KLF12: variants seen among roughly 807,000 people sequenced by gnomAD.
KLF12 encodes the protein KLF transcription factor 12, also known as Krueppel-like factor 12.
Under a neutral mutation model 37.8 loss-of-function variants are expected in KLF12, and 9 were observed. The observed-to-expected ratio is 0.24, with a 90% CI of 0.14 to 0.42. The LOEUF is 0.42. Among genes scored for constraint, KLF12 ranks in the 10% least tolerant of loss-of-function variants. The pLI is 1.00. For synonymous variants in KLF12, 208 were observed against 202.1 expected (o/e 1.03, Z -0.25); for missense variants, 411 against 516.0 (o/e 0.80, Z 1.97).
intron 3 of KLF12, among the ~76,000 whole-genome samples, chr13:73,853,073 T>A (rs573854371): frequency 6.6e-6 from 1 of 152,084 alleles, no homozygotes; most frequent in South Asian, 2.1e-4. Context: ...TTCACCGTGT[T>A]AGCCAGGATG....
intron 2 of KLF12, among the ~76,000 whole-genome samples, chr13:73,982,159 T>G (rs1296123527): frequency 6.6e-6 from 1 of 152,254 alleles, no homozygotes; most frequent in Non-Finnish European, 1.5e-5. Context: ...AAACATTAAC[T>G]TCATTGACTA....
intron 6 of KLF12, among the ~76,000 whole-genome samples, chr13:73,732,293 T>G (rs1445193096): frequency 6.6e-6 from 1 of 151,972 alleles, no homozygotes; most frequent in African/African-American, 2.4e-5. Flanking sequence ...TTTCACCACG[T>G]TGGCCATGCT....
At chr13:73,953,970 CTTTTTTTTTTTTTTTTT>C (rs67945624) in intron 2 of KLF12, among the ~76,000 whole-genome samples, 1 of 88,534 alleles carries the variant, frequency 1.1e-5, no homozygotes, top group African/African-American at 4.4e-5. Flanking sequence ...TTTTTTCTTT[CTTTTTTTTTTTTTTTTT>C]TTTTTTTTTG....
the KLF12 span, among the ~76,000 whole-genome samples, chr13:74,157,683 ATT>A: frequency 1.3e-5 from 2 of 152,202 alleles, no homozygotes; most frequent in African/African-American, 4.8e-5. Context: ...CAGACCAGTC[ATT>A]AAGCTTCCTT....
intron 1 of KLF12, among the ~76,000 whole-genome samples, chr13:74,128,032 A>C (rs927004352): frequency 6.6e-6 from 1 of 152,256 alleles, no homozygotes; most frequent in African/African-American, 2.4e-5. Context: ...GCAGATTTTC[A>C]ATCTCTAATC....
chr13:74,257,616 C>T, the KLF12 span: 5 of 152,138 alleles, frequency 3.3e-5, no homozygotes, highest in Admixed American at 2.0e-4. Flanking sequence ...GGCACAAGGA[C>T]ATGATTTGTT....
intron 6 of KLF12, among the ~76,000 whole-genome samples, chr13:73,738,118 TATATATACACACAC>T (rs1467942361): frequency 1.1e-3 from 70 of 65,292 alleles, no homozygotes; most frequent in African/African-American, 6.7e-3. Flanking sequence ...TATATATATA[TATATATACACACAC>T]ACACATATAT....
rs545657584 is a variant in KLF12 at position 73,688,456 on chromosome 13, T to C, written c.*7034A>G. The C allele has an allele frequency of 1.7e-4, 26 of 152,242 alleles. No homozygotes were observed. The highest frequency in any genetic ancestry group is 6.3e-4 in the African/African-American group (26 of 41,532). 9.4% of individuals were successfully genotyped at this position (152,242 alleles called of 1,614,324 possible). A position where few individuals can be genotyped will look rare whatever the true frequency, so the allele number is the denominator to read the frequency against. The stretch of plus-strand genomic sequence containing the variant: ...GCTCTGATATTAATCACTAGTTCCA[T>C]GGGGGTGAAAATTTCAAATGCATCT... On this transcript the variant is annotated 3_prime_UTR_variant, in exon 8 of 8. Transcript: ENST00000377669.
intron 2 of KLF12, among the ~76,000 whole-genome samples, chr13:73,992,768 T>C (rs1206916529): frequency 1.3e-5 from 2 of 152,228 alleles, no homozygotes; most frequent in Non-Finnish European, 2.9e-5. Context: ...GTCAATGTAT[T>C]TGAAATGTAA....
the KLF12 span, among the ~76,000 whole-genome samples, chr13:74,248,047 A>G: frequency 1.3e-5 from 2 of 152,234 alleles, no homozygotes; most frequent in African/African-American, 4.8e-5. Context: ...TTTTCCTCTC[A>G]TGCCAAGCTC....
At chr13:73,958,374 G>C (rs1026122294) in intron 2 of KLF12, among the ~76,000 whole-genome samples, 1 of 151,906 alleles carries the variant, frequency 6.6e-6, no homozygotes, top group Non-Finnish European at 1.5e-5. Context: ...CTCCCGAGTA[G>C]CTGGGATACA....
intron 5 of KLF12, among the ~76,000 whole-genome samples, chr13:73,766,874 G>C (rs1879951264): frequency 6.6e-6 from 1 of 152,124 alleles, no homozygotes; most frequent in African/African-American, 2.4e-5. Context: ...CTAGGTATTT[G>C]TATCTTTTAG....
At chr13:73,905,618 T>C (rs1374509831) in intron 3 of KLF12, among the ~76,000 whole-genome samples, 1 of 151,996 alleles carries the variant, frequency 6.6e-6, no homozygotes, top group Non-Finnish European at 1.5e-5. Flanking sequence ...TCTGGATTTG[T>C]ACTGTATTGT....
chr13:73,943,937 C>A (rs781114490), intron 3 of KLF12, 44 bp downstream of exon 3: 5 of 1,185,288 alleles, frequency 4.2e-6, no homozygotes, highest in Non-Finnish European at 6.3e-6. Context: ...AAGAATGCCA[C>A]TCTCATCAAA....
the KLF12 span, among the ~76,000 whole-genome samples, chr13:74,180,195 T>C: frequency 1.3e-5 from 2 of 152,074 alleles, no homozygotes; most frequent in Non-Finnish European, 2.9e-5. Context: ...TAATAGTAGG[T>C]GTTTAGTGTT....
intron 1 of KLF12, among the ~76,000 whole-genome samples, chr13:74,118,969 A>T (rs1877467541): frequency 6.6e-6 from 1 of 152,206 alleles, no homozygotes; most frequent in South Asian, 2.1e-4. Context: ...TAATACATCA[A>T]CTTCTTACCA....
At chr13:74,298,541 T>C in the KLF12 span, among the ~76,000 whole-genome samples, 1 of 152,198 alleles carries the variant, frequency 6.6e-6, no homozygotes, top group South Asian at 2.1e-4. Flanking sequence ...GTAGTGTTTA[T>C]ATTAATATAC....
At chr13:74,053,434 C>A (rs761323371) in intron 1 of KLF12, among the ~76,000 whole-genome samples, 1 of 152,058 alleles carries the variant, frequency 6.6e-6, no homozygotes, top group Non-Finnish European at 1.5e-5. Context: ...GTCCTAAGTC[C>A]TTCCCATGTA....
chr13:73,869,612 T>C (rs962004710), intron 3 of KLF12, among the ~76,000 whole-genome samples: 3 of 152,076 alleles, frequency 2.0e-5, no homozygotes, highest in Non-Finnish European at 4.4e-5. Context: ...ATAGATAAAT[T>C]ATATCTATAT....
Sources: gnomAD v4.1 joint callset for allele counts (sites outside exome capture counted in the v4.1 genomes callset) on GRCh38, gnomAD v4.1.1 for gene constraint, MANE v1.5 for transcripts, NCBI Gene and HGNC (gene_info 2026-07-23, HGNC 2026-07-21) for gene names.